VCPKMT: variants seen among roughly 807,000 people sequenced by gnomAD.
VCPKMT encodes the protein valosin containing protein lysine methyltransferase.
VCPKMT carries 32 observed loss-of-function variants against 28.6 expected under a neutral mutation model. The observed-to-expected ratio is 1.12, with a 90% CI of 0.84 to 1.50. VCPKMT has a LOEUF of 1.50. Among genes scored for constraint, VCPKMT ranks in the 40% most tolerant of loss-of-function variants. The pLI, the probability that VCPKMT is intolerant of heterozygous loss-of-function variation, is 0.00. For missense variants in VCPKMT, 366 were observed against 285.0 expected (o/e 1.28, Z -2.05); for synonymous variants, 138 against 111.4 (o/e 1.24, Z -1.50).
chr14:50,111,090 T>C, intron 5 of VCPKMT: 1 of 766,440 alleles, frequency 1.3e-6, no homozygotes, highest in Non-Finnish European at 1.6e-6. Context: ...TATGTGAATA[T>C]ACTAAAAACC....
intron 5 of VCPKMT, chr14:50,111,424 G>C (rs1459819052): frequency 1.0e-6 from 1 of 985,204 alleles, no homozygotes; most frequent in Admixed American, 6.2e-5. Flanking sequence ...ATTTGCTTTT[G>C]ACTAGAATTC....
intron 5 of VCPKMT, chr14:50,111,427 T>C (rs1882648373): frequency 2.0e-6 from 2 of 985,448 alleles, no homozygotes; most frequent in Admixed American, 6.1e-5. Context: ...TGCTTTTGAC[T>C]AGAATTCATA....
chr14:50,105,204 AATACCT>A (rs1208558656), downstream of VCPKMT, among the ~76,000 whole-genome samples: 1 of 152,222 alleles, frequency 6.6e-6, no homozygotes, highest in Non-Finnish European at 1.5e-5. Context: ...TCTTCTTTAA[AATACCT>A]ATAATCTGTC....
chr14:50,112,735 A>C lies in VCPKMT; in HGVS notation c.571-16T>G. 1.3e-6 allele frequency: 2 copies of C among 1,511,014 alleles called. No homozygotes were observed. The highest frequency in any genetic ancestry group is 1.8e-6 in the Non-Finnish European group (2 of 1,110,984). The allele number at this position is 1,511,014 out of a possible 1,614,324, so 93.6% of individuals were successfully genotyped here. On this transcript the variant is annotated splice_polypyrimidine_tract_variant and intron_variant, in intron 4 of 5. Transcript: ENST00000395860. ...GCTGAAGGAGCTATAAATTTAAAAG[A>C]GACATACTTCAAATTCAATAATATG... is the stretch of plus-strand genomic sequence containing the variant.
intron 4 of VCPKMT, among the ~76,000 whole-genome samples, chr14:50,113,200 A>G (rs12590917): frequency 0.19 from 29,259 of 152,134 alleles, 2,985 homozygotes; most frequent in East Asian, 0.45. Flanking sequence ...ATACATATGA[A>G]AAATTAAGCT....
At chr14:50,111,647 G>A in intron 5 of VCPKMT, 1 of 982,608 alleles carries the variant, frequency 1.0e-6, no homozygotes, top group Middle Eastern at 5.2e-4. Flanking sequence ...GGAGGCCGAG[G>A]TGGGCAGGTC....
At chr14:50,109,824 T>C (rs1882523967) in intron 5 of VCPKMT, 111 bp from the exon 6 acceptor site, 2 of 1,265,028 alleles carry the variant, frequency 1.6e-6, no homozygotes, top group South Asian at 1.6e-5. Context: ...AGTATAACAG[T>C]GGCTACATGC....
At chr14:50,114,614 T>C (rs767201276) in intron 3 of VCPKMT, among the ~76,000 whole-genome samples, 2 of 152,110 alleles carry the variant, frequency 1.3e-5, no homozygotes, top group Non-Finnish European at 2.9e-5. Flanking sequence ...GGTGGAAAGA[T>C]CGCTTGAAAG....
Position 50,114,378 on chromosome 14 carries a change from T to TA in VCPKMT, c.476dup (p.Asp161ArgfsTer6), listed in dbSNP as rs767654165. 1.5e-5 allele frequency: 23 copies of TA among 1,568,628 alleles called. No homozygotes were observed. Among genetic ancestry groups the TA allele is most frequent in the African/African-American group, 5.5e-5 (4 of 73,048 alleles). ...AAGTTTCAAATCCGCTGATATCTTT[T>TA]AGAGTTTTCAGCAATGGCTCCAAAG... On this transcript the variant is annotated frameshift_variant, in exon 4 of 6. Coordinates refer to ENST00000395860, the MANE Select transcript of VCPKMT (RefSeq NM_024558.3). LOFTEE classifies it high-confidence loss of function.
At position 50,116,340 on chromosome 14, in the gene VCPKMT, C is replaced by T. The variant is rs1883209856; in HGVS notation, c.213G>A (p.Val71=). 1 of 1,611,346 alleles carries T rather than the reference C, an allele frequency of 6.2e-7. No homozygotes were observed. Among genetic ancestry groups the T allele is most frequent in the African/African-American group, 1.3e-5 (1 of 74,862 alleles). ...DGAHALSRRS[V]LELGSGTGAV... is the part of the protein sequence containing the mutation. ...CCCCGGTGCCCGAACCCAGCTCCAGCACCGACCGCCGGCTCAGCGCGTGGG... is the reference window on the plus strand; with the variant it reads ...CCCCGGTGCCCGAACCCAGCTCCAGTACCGACCGCCGGCTCAGCGCGTGGG... Residue 71 remains valine (V), a synonymous_variant, in exon 1 of 6, where the codon GTG becomes GTA. Coordinates refer to ENST00000395860, the MANE Select transcript of VCPKMT (RefSeq NM_024558.3).
chr14:50,105,189 C>T (rs1017389365), downstream of VCPKMT, among the ~76,000 whole-genome samples: 1 of 152,138 alleles, frequency 6.6e-6, no homozygotes. Flanking sequence ...TTCTATAACC[C>T]ATACTCTTCT....
chr14:50,105,368 C>G (rs143353878), downstream of VCPKMT, among the ~76,000 whole-genome samples: 1 of 152,166 alleles, frequency 6.6e-6, no homozygotes, highest in Non-Finnish European at 1.5e-5. Context: ...CAGTGGCTCA[C>G]GCACATAATC....
At chr14:50,105,812 A>T (rs114483525), downstream of VCPKMT, among the ~76,000 whole-genome samples, 946 of 152,266 alleles carry the variant, frequency 6.2e-3, 11 homozygotes, top group African/African-American at 0.021. Context: ...ACCTGCAACA[A>T]TTTTTAACTG....
At chr14:50,114,516 T>G (rs1882963638) in intron 3 of VCPKMT, 112 bp from the exon 4 acceptor site, 4 of 725,552 alleles carry the variant, frequency 5.5e-6, no homozygotes, top group Non-Finnish European at 8.1e-6. Context: ...TATCCATCTT[T>G]GAATCAATCC....
At position 50,116,358 on chromosome 14, in the gene VCPKMT, C is replaced by T. The variant is rs768475518; in HGVS notation, c.195G>A (p.Ala65=). The change falls in exon 1 of 6, where the codon GCG becomes GCA. Residue 65 remains alanine (A), a synonymous_variant. Coordinates refer to ENST00000395860, the MANE Select transcript of VCPKMT (RefSeq NM_024558.3). ...GCTCCAGCACCGACCGCCGGCTCAGCGCGTGGGCCCCGTCGCCAGAAAACT... is the reference window on the plus strand; with the variant it reads ...GCTCCAGCACCGACCGCCGGCTCAGTGCGTGGGCCCCGTCGCCAGAAAACT... The part of the protein sequence containing the change: ...TPEFSGDGAH[A]LSRRSVLELG... 2 of 1,612,834 alleles carry T rather than the reference C, an allele frequency of 1.2e-6. No individual in the cohort carries two copies. Among genetic ancestry groups the T allele is most frequent in the Non-Finnish European group, 1.7e-6 (2 of 1,179,472 alleles).
Position 50,108,783 on chromosome 14 carries a change from A to G in VCPKMT, c.*916T>C, listed in dbSNP as rs1013867833. On this transcript the variant is annotated 3_prime_UTR_variant, in exon 6 of 6. Coordinates refer to ENST00000395860, the MANE Select transcript of VCPKMT (RefSeq NM_024558.3). ...TTATTGTATATGAGCGAATGGCTTC[A>G]TAACATAAAACAGAGAGACACAGAA... 3 of 985,580 alleles carry G rather than the reference A, an allele frequency of 3.0e-6. No individual in the cohort carries two copies. The highest frequency in any genetic ancestry group is 1.7e-5 in the African/African-American group (1 of 57,248). The allele number at this position is 985,580 out of a possible 1,614,324, so 61.1% of individuals were successfully genotyped here.
downstream of VCPKMT, among the ~76,000 whole-genome samples, chr14:50,105,526 G>C (rs753363619): frequency 6.6e-6 from 1 of 152,194 alleles, no homozygotes; most frequent in Non-Finnish European, 1.5e-5. Flanking sequence ...AACTATTTCA[G>C]AGGCTGAGGC....
intron 5 of VCPKMT, chr14:50,111,463 T>C: frequency 2.0e-6 from 2 of 985,446 alleles, no homozygotes; most frequent in Non-Finnish European, 2.4e-6. Flanking sequence ...ACCACAAACA[T>C]AATCAAAGCA....
Position 50,115,159 on chromosome 14 carries a change from T to G in VCPKMT, c.450+680A>C, listed in dbSNP as rs1032070641. ...TACAAACTGATGTTTTTTTTTTTTT[T>G]TTTTTTTTTTGAGACAGAGTTTTGC... On this transcript the variant is annotated intron_variant, in intron 3 of 5. Transcript: ENST00000395860. Among the ~76,000 whole-genome samples the G allele has an allele frequency of 2.0e-4, 30 of 148,396 alleles. No homozygotes were observed. In the South Asian group the frequency reaches 5.8e-3, roughly 29 times the overall value.
Sources: allele counts gnomAD v4.1 joint callset (sites outside exome capture counted in the v4.1 genomes callset), GRCh38; gene constraint gnomAD v4.1.1; transcripts MANE v1.5; gene names NCBI Gene and HGNC (gene_info 2026-07-23, HGNC 2026-07-21).